The following NTRK3 variants were observed in gnomAD, a reference collection of about 807,000 sequenced individuals.
NTRK3 encodes the protein NT-3 growth factor receptor.
In NTRK3, 24 loss-of-function variants were observed where a neutral mutation model predicts 91.7. The ratio of observed to expected loss-of-function variants is 0.26; its 90% CI spans 0.19 to 0.37. The LOEUF (loss-of-function observed/expected upper bound fraction) is 0.37, where lower values mean the gene tolerates loss of function less well. NTRK3 is among the 10% of genes least tolerant of loss of function. NTRK3 has a pLI of 1.00. For synonymous variants in NTRK3, 483 were observed against 404.0 expected, an observed-to-expected ratio of 1.20 and a Z score of -2.34; for missense variants, 880 against 1,068.9, an observed-to-expected ratio of 0.82 and a Z score of 2.46.
chr15:88,052,318 T>G (rs1393739787), intron 13 of NTRK3, among the ~76,000 whole-genome samples: 1 of 152,154 alleles, frequency 6.6e-6, no homozygotes, highest in Non-Finnish European at 1.5e-5. Flanking sequence ...AATTTCCCAG[T>G]AACATGGTGA....
At chr15:88,226,856 G>A (rs146411530) in intron 3 of NTRK3, among the ~76,000 whole-genome samples, 1 of 152,378 alleles carries the variant, frequency 6.6e-6, no homozygotes, top group East Asian at 1.9e-4. Context: ...CCCAGTGAAG[G>A]AGGGGTGATA....
intron 5 of NTRK3, among the ~76,000 whole-genome samples, chr15:88,171,982 G>A (rs556546514): frequency 1.2e-4 from 18 of 152,372 alleles, no homozygotes; most frequent in Admixed American, 3.9e-4. Context: ...CCTCAGATGG[G>A]TTTCAAGGTG....
chr15:88,164,314 T>C (rs1231096350), intron 5 of NTRK3, among the ~76,000 whole-genome samples: 1 of 152,166 alleles, frequency 6.6e-6, no homozygotes, highest in Admixed American at 6.5e-5. Context: ...GGTTTACTTC[T>C]CATTCCTACA....
chr15:87,861,965 G>A, exon 19 of NTRK3: 1 of 213,756 alleles, frequency 4.7e-6, no homozygotes, highest in Admixed American at 5.9e-5. Context: ...TGTTCTAAGG[G>A]AAAATAACTT....
Position 88,238,187 on chromosome 15 carries a change from G to A in NTRK3, c.248+17719C>T, listed in dbSNP as rs113309491. Among the ~76,000 whole-genome samples, 817 of 152,164 alleles carry A rather than the reference G, an allele frequency of 5.4e-3. 4 individuals are homozygous for A. The highest frequency in any genetic ancestry group is 8.7e-3 in the Non-Finnish European group (595 of 68,006). ...CCTTCATCTTGGACTTCCAGCCTCC[G>A]GAACCATAAAAAACAAACATATGCT... On this transcript the variant is annotated intron_variant, in intron 3 of 18. Coordinates refer to ENST00000394480, the Ensembl canonical transcript of NTRK3.
At chr15:87,946,874 CTTTTTTTTTTTTT>C (rs560114979) in intron 14 of NTRK3, among the ~76,000 whole-genome samples, 6 of 85,448 alleles carry the variant, frequency 7.0e-5, no homozygotes, top group Admixed American at 1.6e-4. Context: ...TTCGTGGGTT[CTTTTTTTTTTTTT>C]TTTTTTTTTT....
intron 13 of NTRK3, among the ~76,000 whole-genome samples, chr15:88,072,066 T>G (rs1448171216): frequency 2.7e-5 from 4 of 147,856 alleles, no homozygotes; most frequent in Non-Finnish European, 5.9e-5. Context: ...AGTGCAGTGG[T>G]GTGATCTCGG....
At chr15:88,111,136 C>A (rs974456241) in intron 13 of NTRK3, among the ~76,000 whole-genome samples, 2 of 152,148 alleles carry the variant, frequency 1.3e-5, no homozygotes, top group Admixed American at 6.5e-5. Flanking sequence ...GGGTTCACCC[C>A]GGGCATGGTT....
chr15:88,111,241 G>A (rs1230347362), intron 13 of NTRK3, among the ~76,000 whole-genome samples: 1 of 152,164 alleles, frequency 6.6e-6, no homozygotes, highest in Non-Finnish European at 1.5e-5. Flanking sequence ...CAAGGCAAGT[G>A]GCTAGTCACG....
intron 14 of NTRK3, among the ~76,000 whole-genome samples, chr15:87,992,305 GC>G (rs893972281): frequency 6.6e-6 from 1 of 152,094 alleles, no homozygotes; most frequent in Non-Finnish European, 1.5e-5. Context: ...CACACTGTAT[GC>G]CTTTCAGCTT....
chr15:87,870,706 G>T, exon 19 of NTRK3: 1 of 221,926 alleles, frequency 4.5e-6, no homozygotes. Flanking sequence ...ATTTATCATT[G>T]CTAAAATGAG....
exon 19 of NTRK3, chr15:87,868,412 A>C (rs2064744812): frequency 4.5e-6 from 1 of 223,116 alleles, no homozygotes; most frequent in African/African-American, 2.2e-5. Context: ...GAAATACCTA[A>C]GAATATGCAA....
chr15:88,249,360 C>T (rs2053142320), intron 3 of NTRK3, among the ~76,000 whole-genome samples: 1 of 152,284 alleles, frequency 6.6e-6, no homozygotes, highest in East Asian at 1.9e-4. Flanking sequence ...CTCTGGGGAC[C>T]CTGAATTTGG....
At chr15:88,230,135 G>A (rs544715326) in intron 3 of NTRK3, among the ~76,000 whole-genome samples, 15 of 152,162 alleles carry the variant, frequency 9.9e-5, no homozygotes, top group Non-Finnish European at 2.1e-4. Context: ...TAAAAAGTGG[G>A]AATCATAACA....
intron 13 of NTRK3, among the ~76,000 whole-genome samples, chr15:88,084,363 TCTC>T (rs1177950170): frequency 6.6e-6 from 1 of 152,140 alleles, no homozygotes; most frequent in Non-Finnish European, 1.5e-5. Flanking sequence ...GTAAAATTGT[TCTC>T]CTGTTCACAG....
At chr15:87,946,991 G>T (rs1382427137) in intron 14 of NTRK3, among the ~76,000 whole-genome samples, 1 of 145,494 alleles carries the variant, frequency 6.9e-6, no homozygotes, top group Non-Finnish European at 1.5e-5. Context: ...AAGCAATTCT[G>T]CCTCAGACTC....
At chr15:87,996,354 G>A (rs981502285) in intron 14 of NTRK3, among the ~76,000 whole-genome samples, 1 of 152,140 alleles carries the variant, frequency 6.6e-6, no homozygotes, top group African/African-American at 2.4e-5. Context: ...TGGGTTAAAC[G>A]GTGACAGTAC....
At chr15:88,172,801 C>T (rs1284927331) in intron 5 of NTRK3, among the ~76,000 whole-genome samples, 2 of 152,092 alleles carry the variant, frequency 1.3e-5, no homozygotes, top group African/African-American at 4.8e-5. Flanking sequence ...TGAGTAATCT[C>T]AGGACCACAG....
At chr15:87,965,850 G>T (rs1275806249) in intron 14 of NTRK3, among the ~76,000 whole-genome samples, 2 of 152,134 alleles carry the variant, frequency 1.3e-5, no homozygotes, top group East Asian at 3.9e-4. Context: ...GGCCGAGGCA[G>T]GTGGATCACT....
Sources: gnomAD v4.1 joint callset for allele counts (sites outside exome capture counted in the v4.1 genomes callset) on GRCh38, gnomAD v4.1.1 for gene constraint, MANE v1.5 for transcripts, NCBI Gene and HGNC (gene_info 2026-07-23, HGNC 2026-07-21) for gene names.